The following CHN2 variants were observed in gnomAD, a reference collection of about 807,000 sequenced individuals.
The protein encoded by CHN2 is beta-chimaerin.
In CHN2, 35 loss-of-function variants were observed where a neutral mutation model predicts 56.3. The ratio of observed to expected loss-of-function variants is 0.62; its 90% CI spans 0.47 to 0.82. The LOEUF (loss-of-function observed/expected upper bound fraction) is 0.82. Among genes scored for constraint, CHN2 ranks in the 40% least tolerant of loss-of-function variants. The pLI, the probability that CHN2 is intolerant of heterozygous loss-of-function variation, is 0.00. For missense variants in CHN2, 491 were observed against 580.5 expected (o/e 0.85, Z 1.58); for synonymous variants, 210 against 212.8 (o/e 0.99, Z 0.12).
At chr7:29,301,491 G>A (rs910842963) in intron 1 of CHN2, among the ~76,000 whole-genome samples, 3 of 151,962 alleles carry the variant, frequency 2.0e-5, no homozygotes, top group Non-Finnish European at 4.4e-5. Context: ...TGTCCTGAAC[G>A]CTGGATGATC....
chr7:29,304,882 T>G (rs1794019463), intron 1 of CHN2, among the ~76,000 whole-genome samples: 1 of 152,212 alleles, frequency 6.6e-6, no homozygotes, highest in Admixed American at 6.5e-5. Context: ...CCTGACTCAC[T>G]CTGAAAAATC....
intron 6 of CHN2, among the ~76,000 whole-genome samples, chr7:29,470,120 A>G (rs952456932): frequency 6.6e-6 from 1 of 152,212 alleles, no homozygotes; most frequent in South Asian, 2.1e-4. Flanking sequence ...TTTCCAGAGC[A>G]GGGAGTGGCT....
chr7:29,210,473 CTTA>C (rs1784833889), intron 1 of CHN2, among the ~76,000 whole-genome samples: 1 of 152,012 alleles, frequency 6.6e-6, no homozygotes, highest in African/African-American at 2.4e-5. Context: ...TCCATATGTA[CTTA>C]TTATTTACCA....
At chr7:29,215,373 C>T (rs760914187) in intron 1 of CHN2, among the ~76,000 whole-genome samples, 1 of 152,146 alleles carries the variant, frequency 6.6e-6, no homozygotes, top group Non-Finnish European at 1.5e-5. Context: ...ACTTGAGGCA[C>T]TCCCAACTTC....
rs568807625 is a variant in CHN2, at chr7:29,434,141, A to G, written c.576+33313A>G. On this transcript the variant is annotated intron_variant, in intron 6 of 12. Coordinates refer to ENST00000222792, the MANE Select transcript of CHN2 (RefSeq NM_004067.4). ...GGTGGGGGTTTTGAACCTCACCAGG[A>G]AAGCCTATGCAGTTTCACTTTCTTT... Among the ~76,000 whole-genome samples the G allele has an allele frequency of 6.5e-4, 99 of 152,330 alleles. 2 individuals are homozygous for G. In the South Asian group the frequency reaches 0.011, roughly 17 times the overall value.
At chr7:29,384,782 G>T (rs1800793518) in intron 3 of CHN2, among the ~76,000 whole-genome samples, 1 of 152,152 alleles carries the variant, frequency 6.6e-6, no homozygotes, top group South Asian at 2.1e-4. Context: ...CCCCGTACTG[G>T]ACAGCCATTA....
chr7:29,400,919 G>A, intron 6 of CHN2, 91 bp downstream of exon 6: 2 of 1,295,572 alleles, frequency 1.5e-6, no homozygotes, highest in Non-Finnish European at 2.1e-6. Context: ...CTGAAATGTT[G>A]GAGGAGACCC....
At chr7:29,304,872 C>G (rs1434565027) in intron 1 of CHN2, among the ~76,000 whole-genome samples, 1 of 152,166 alleles carries the variant, frequency 6.6e-6, no homozygotes, top group Non-Finnish European at 1.5e-5. Flanking sequence ...TAGACTGGGA[C>G]CTGACTCACT....
At chr7:29,403,196 A>T (rs1401034401) in intron 6 of CHN2, among the ~76,000 whole-genome samples, 1 of 151,928 alleles carries the variant, frequency 6.6e-6, no homozygotes, top group Non-Finnish European at 1.5e-5. Flanking sequence ...TGACAAGTGG[A>T]ATTATTAAAG....
intron 3 of CHN2, among the ~76,000 whole-genome samples, chr7:29,370,540 T>C (rs181462780): frequency 1.3e-3 from 192 of 152,232 alleles, no homozygotes; most frequent in Non-Finnish European, 2.4e-3. Context: ...TTCTTGGTCT[T>C]CAATCTATCT....
intron 1 of CHN2, among the ~76,000 whole-genome samples, chr7:29,341,782 A>G (rs973154716): frequency 6.6e-6 from 1 of 152,236 alleles, no homozygotes; most frequent in African/African-American, 2.4e-5. Context: ...GAAAGAACTG[A>G]AAATTTCACT....
At chr7:29,208,449 C>T (rs1784681953) in intron 1 of CHN2, among the ~76,000 whole-genome samples, 1 of 152,180 alleles carries the variant, frequency 6.6e-6, no homozygotes, top group Non-Finnish European at 1.5e-5. Context: ...GCACGGGCTA[C>T]AGTGACTCTG....
chr7:29,149,189 CT>C (rs60520174), intron 2 of CHN2, among the ~76,000 whole-genome samples: 6,703 of 100,056 alleles, frequency 0.067, 302 homozygotes, highest in East Asian at 0.2. Context: ...GTCTGTTTCC[CT>C]TTTTTTTTTT....
chr7:29,357,301 C>G (rs142922386), intron 2 of CHN2, among the ~76,000 whole-genome samples: 3 of 152,234 alleles, frequency 2.0e-5, no homozygotes, highest in African/African-American at 4.8e-5. Context: ...TGATGTAGCT[C>G]TCCAAAAGTG....
At chr7:29,504,947 A>T (rs1790405817) in intron 10 of CHN2, 126 bp downstream of exon 10, 2 of 634,944 alleles carry the variant, frequency 3.1e-6, no homozygotes, top group Non-Finnish European at 5.5e-6. Flanking sequence ...AAACGGAGGA[A>T]TAATGGCTTA....
At chr7:29,264,657 C>A (rs1789966219) in intron 1 of CHN2, among the ~76,000 whole-genome samples, 1 of 152,020 alleles carries the variant, frequency 6.6e-6, no homozygotes, top group East Asian at 1.9e-4. Flanking sequence ...CTCAACTACC[C>A]AGGGACACAA....
chr7:29,311,796 C>T (rs910919525), intron 1 of CHN2, among the ~76,000 whole-genome samples: 5 of 152,164 alleles, frequency 3.3e-5, no homozygotes, highest in East Asian at 1.9e-4. Context: ...ATTTAGGCAA[C>T]GAGTATTTAC....
chr7:29,354,819 C>G (rs10215545), intron 2 of CHN2, among the ~76,000 whole-genome samples, 156 bp downstream of exon 2: 35,443 of 151,802 alleles, frequency 0.23, 4,701 homozygotes, highest in Non-Finnish European at 0.3. Flanking sequence ...TAGTCAGAGA[C>G]GATTAACAGA....
intron 2 of CHN2, among the ~76,000 whole-genome samples, chr7:29,187,231 T>A (rs187015746): frequency 1.3e-5 from 2 of 152,286 alleles, no homozygotes; most frequent in Admixed American, 6.5e-5. Flanking sequence ...AATCTGTCTA[T>A]ACTTTTATTG....
Sources: allele counts gnomAD v4.1 joint callset (sites outside exome capture counted in the v4.1 genomes callset), GRCh38; gene constraint gnomAD v4.1.1; transcripts MANE v1.5; gene names NCBI Gene and HGNC (gene_info 2026-07-23, HGNC 2026-07-21).